Variants in NEB observed in about 807,000 individuals in gnomAD.
NEB encodes the protein nebulin.
NEB carries 512 observed loss-of-function variants against 952.2 expected under a neutral mutation model. That is an observed-to-expected ratio of 0.54 (90% CI 0.50 to 0.58). NEB has a LOEUF of 0.58. Among genes scored for constraint, NEB ranks in the 20% least tolerant of loss-of-function variants. The pLI, the probability that NEB is intolerant of heterozygous loss-of-function variation, is 0.00. For synonymous variants in NEB, 2,900 were observed against 3,149.8 expected (o/e 0.92, Z 2.66); for missense variants, 8,428 against 9,231.1 (o/e 0.91, Z 3.56).
chr2:151,648,317 G>C (rs1264753966), intron 54 of NEB, among the ~76,000 whole-genome samples: 1 of 152,124 alleles, frequency 6.6e-6, no homozygotes, highest in Non-Finnish European at 1.5e-5. Context: ...TTGTTATGGT[G>C]CATATAACCC....
At position 151,694,816 on chromosome 2, in the gene NEB, C is replaced by T. The variant is rs1171425208; in HGVS notation, c.1675-187G>A. On this transcript the variant is annotated intron_variant, in intron 18 of 181. Coordinates refer to ENST00000397345, the MANE Select transcript of NEB (RefSeq NM_001164508.2). The stretch of plus-strand genomic sequence containing the variant: ...GAGCTATTAATTCTCCAAGATTGGG[C>T]TTCTCTACTCCCCATGAGAATTTTT... Among the ~76,000 whole-genome samples, 7 of 152,268 alleles carry T rather than the reference C, an allele frequency of 4.6e-5. No individual in the cohort carries two copies. The East Asian group carries it at 1.4e-3, about 29-fold the overall frequency.
In NEB at chr2:151,565,137, T is replaced by C. The variant is rs1403511116; in HGVS notation, c.18378A>G (p.Lys6126=). The stretch of plus-strand genomic sequence containing the variant: ...TGCCCTTTGCTTTATTAAATGTTTC[T>C]TTATATTTTACCTAAGGAGAGAAAA... ...NSVNQSDVKY[K]ETFNKAKGKY... is the part of the protein sequence containing the mutation. Residue 6126 remains lysine, a synonymous_variant, in exon 117 of 182, where the codon AAA becomes AAG. Coordinates refer to ENST00000397345, the MANE Select transcript of NEB (RefSeq NM_001164508.2). 7.1e-6 allele frequency: 11 copies of C among 1,549,346 alleles called. No individual in the cohort carries two copies. The highest frequency in any genetic ancestry group is 1.7e-5 in the Admixed American group (1 of 57,290).
rs1321469218 is a variant in NEB, at chr2:151,561,309, G to A, written c.19000C>T (p.Gln6334Ter). 3 of 1,587,400 alleles carry A rather than the reference G, an allele frequency of 1.9e-6. No homozygotes were observed. The highest frequency in any genetic ancestry group is 2.3e-5 in the East Asian group (1 of 44,184). Residue 6334 changes from glutamine to a stop codon, truncating the protein, a stop_gained, in exon 122 of 182, where the codon CAA becomes TAA. Coordinates refer to ENST00000397345, the MANE Select transcript of NEB (RefSeq NM_001164508.2). LOFTEE classifies it high-confidence loss of function. ...KKSYDLQSQL[Q>*]YTAAGKENLQ... ...TTTTCTTTACCTGCTGCTGTATATT[G>A]TAGCTGTGAAGAAAAACAAAAGTCA...
intron 161 of NEB, among the ~76,000 whole-genome samples, chr2:151,508,647 G>A (rs764370748): frequency 6.6e-6 from 1 of 152,242 alleles, no homozygotes; most frequent in Non-Finnish European, 1.5e-5. Flanking sequence ...CAGGCCCAGA[G>A]GCATTTCCAG....
At chr2:151,537,106 G>T in intron 141 of NEB, 26 bp downstream of exon 141, 1 of 1,432,486 alleles carries the variant, frequency 7.0e-7, no homozygotes, top group Non-Finnish European at 9.8e-7. Flanking sequence ...GAATGGATGA[G>T]GCCAATTCTC....
intron 176 of NEB, 164 bp downstream of exon 176, chr2:151,493,185 ATAAG>A (rs1168100273): frequency 1.7e-6 from 1 of 573,124 alleles, no homozygotes; most frequent in African/African-American, 1.9e-5. Flanking sequence ...TTTCAGTTGA[ATAAG>A]TGCAAATTTT....
Position 151,563,716 on chromosome 2 carries a change from T to A in NEB, c.18583A>T (p.Lys6195Ter). 6.2e-7 allele frequency: 1 copy of A among 1,613,328 alleles called. No homozygotes were observed. The highest frequency in any genetic ancestry group is 8.5e-7 in the Non-Finnish European group (1 of 1,179,300). Residue 6195 changes from lysine (K) to a stop codon, truncating the protein, a stop_gained, in exon 119 of 182, where the codon AAA becomes TAA. Transcript: ENST00000397345. LOFTEE classifies it high-confidence loss of function. ...KHADLVNSEL[K>*]YKETYEKQKG... ...TGCTTCTCATATGTCTCTTTGTATTTAAGCTGTAAAGTGGGTTAAACATTG... is the reference window on the plus strand; with the variant it reads ...TGCTTCTCATATGTCTCTTTGTATTAAAGCTGTAAAGTGGGTTAAACATTG...
chr2:151,711,228 T>C (rs935669635), intron 10 of NEB, among the ~76,000 whole-genome samples: 9 of 152,144 alleles, frequency 5.9e-5, no homozygotes, highest in African/African-American at 2.2e-4. Flanking sequence ...ACTGAGACCA[T>C]GATATGCGGT....
chr2:151,577,468 C>A (rs2096915199), intron 105 of NEB, among the ~76,000 whole-genome samples: 2 of 152,218 alleles, frequency 1.3e-5, no homozygotes, highest in South Asian at 4.1e-4. Context: ...GAAGAACTTT[C>A]TCGATCTCTC....
intron 73 of NEB, among the ~76,000 whole-genome samples, 175 bp from the exon 74 acceptor site, chr2:151,618,653 G>A (rs546657259): frequency 4.0e-5 from 6 of 151,846 alleles, no homozygotes; most frequent in East Asian, 1.9e-4. Context: ...TTTTCTGAGC[G>A]TTTTTTTGGT....
chr2:151,577,800 A>G (rs1406689490), intron 105 of NEB, among the ~76,000 whole-genome samples: 1 of 152,160 alleles, frequency 6.6e-6, no homozygotes, highest in African/African-American at 2.4e-5. Context: ...GCTGATCTTG[A>G]AATTCTGGAC....
rs1403311095 is a variant in NEB at position 151,502,739 on chromosome 2, A to ATTATT, written c.23928+49_23928+53dup. 3.1e-6 allele frequency: 3 copies of ATTATT among 961,324 alleles called. No individual in the cohort carries two copies. In the African/African-American group the frequency reaches 4.9e-5, roughly 16 times the overall value. 59.5% of individuals were successfully genotyped at this position (961,324 alleles called of 1,614,324 possible). On this transcript the variant is annotated intron_variant, in intron 167 of 181. Transcript: ENST00000397345. ...AGTAATTTTACATTTGTAAGGTGTT[A>ATTATT]TTATTTTAAATAAAATTAAGGGATT...
At chr2:151,725,860 AATCTC>A (rs2099789106) in intron 5 of NEB, among the ~76,000 whole-genome samples, 1 of 152,170 alleles carries the variant, frequency 6.6e-6, no homozygotes, top group South Asian at 2.1e-4. Flanking sequence ...AAAAAGCCTA[AATCTC>A]AATTATTTTA....
rs374029795 is a variant in NEB at position 151,506,178 on chromosome 2, G to C, written c.23637C>G (p.Asp7879Glu). 47 of 1,611,558 alleles carry C rather than the reference G, an allele frequency of 2.9e-5. No individual in the cohort carries two copies. Among genetic ancestry groups the C allele is most frequent in the Non-Finnish European group, 3.7e-5 (44 of 1,177,750 alleles). ...ACTGTGTCTTTACCGAGCTAATGTG[G>C]TCCTGTGTTTGTTTCACTCTCATCA... is the stretch of plus-strand genomic sequence containing the variant. ...PEMMRVKQTQ[D>E]HISSVKYKEA... Residue 7879 changes from aspartate to glutamate, a missense_variant, in exon 164 of 182, where the codon GAC becomes GAG. This residue lies in a region of NEB where 3,374 missense variants were observed against 3,651.5 expected (regional missense o/e 0.92). Coordinates refer to ENST00000397345, the MANE Select transcript of NEB (RefSeq NM_001164508.2).
At chr2:151,519,946 A>G (rs990560680) in intron 153 of NEB, 178 bp from the exon 154 acceptor site, 6 of 481,916 alleles carry the variant, frequency 1.2e-5, no homozygotes, top group Middle Eastern at 1.1e-3. Context: ...AAGAATGACA[A>G]GACAACAGGC....
In NEB at chr2:151,659,185, T is replaced by C; in HGVS notation, c.5971-16A>G. ...TGTAGAGATGCTAGGAAAAAAACAG[T>C]GTAAATTAGTGTTTAAAATCTTAAA... On this transcript the variant is annotated splice_polypyrimidine_tract_variant and intron_variant, in intron 46 of 181. Transcript: ENST00000397345. 6.5e-7 allele frequency: 1 copy of C among 1,534,002 alleles called. No individual in the cohort carries two copies. The highest frequency in any genetic ancestry group is 9.0e-7 in the Non-Finnish European group (1 of 1,108,752).
At chr2:151,650,991 G>T in intron 52 of NEB, 106 bp from the exon 53 acceptor site, 1 of 1,152,554 alleles carries the variant, frequency 8.7e-7, no homozygotes, top group Non-Finnish European at 1.2e-6. Flanking sequence ...AGGGGTCTAT[G>T]TTTCCCAGGC....
At chr2:151,650,955 T>TTTTC (rs757190749) in intron 52 of NEB, 70 bp from the exon 53 acceptor site, 12 of 1,401,648 alleles carry the variant, frequency 8.6e-6, no homozygotes, top group Non-Finnish European at 1.9e-6. Flanking sequence ...CTTTTTTTTC[T>TTTTC]TTTCTTTCTT....
chr2:151,500,593 C>CTTTTTT (rs11428843), intron 168 of NEB, among the ~76,000 whole-genome samples: 3 of 118,458 alleles, frequency 2.5e-5, no homozygotes, highest in Non-Finnish European at 5.1e-5. Context: ...TTCTTTCTTC[C>CTTTTTT]TTTTTTTTTT....
Sources: gnomAD v4.1 joint callset for allele counts (sites outside exome capture counted in the v4.1 genomes callset) on GRCh38, gnomAD v4.1.1 for gene constraint, gnomAD v4.1.1 regional missense constraint, MANE v1.5 for transcripts, NCBI Gene and HGNC (gene_info 2026-07-23, HGNC 2026-07-21) for gene names.